Variants in AFG2A observed in about 807,000 individuals in gnomAD.
AFG2A encodes the protein ATPase family gene 2 protein homolog A.
chr4:123,027,465 T>G, the AFG2A span, among the ~76,000 whole-genome samples: 3 of 152,206 alleles, frequency 2.0e-5, no homozygotes, highest in African/African-American at 7.2e-5. Context: ...CTTTTACGTT[T>G]GTCTTCCAGC....
the AFG2A span, among the ~76,000 whole-genome samples, chr4:123,000,308 C>A: frequency 1.3e-5 from 2 of 151,180 alleles, no homozygotes; most frequent in Non-Finnish European, 2.9e-5. Context: ...CCTTCTCCTG[C>A]CTAATTGCCC....
chr4:123,213,541 C>A, the AFG2A span, among the ~76,000 whole-genome samples: 9 of 152,070 alleles, frequency 5.9e-5, no homozygotes, highest in Non-Finnish European at 1.2e-4. Flanking sequence ...CAGGTGGGTA[C>A]AATTAGCTGC....
the AFG2A span, among the ~76,000 whole-genome samples, chr4:123,197,770 AAAAT>A: frequency 1.0e-4 from 15 of 149,512 alleles, no homozygotes; most frequent in South Asian, 2.1e-4. Flanking sequence ...TCCATCTCAA[AAAAT>A]AAATAAATAA....
the AFG2A span, among the ~76,000 whole-genome samples, chr4:123,229,094 C>A: frequency 4.0e-5 from 6 of 151,734 alleles, no homozygotes; most frequent in African/African-American, 1.5e-4. Flanking sequence ...AAAACCAGCA[C>A]AATTTCTGGC....
At chr4:123,010,722 C>T in the AFG2A span, among the ~76,000 whole-genome samples, 12 of 152,212 alleles carry the variant, frequency 7.9e-5, no homozygotes, top group Non-Finnish European at 1.5e-4. Flanking sequence ...TTTTGCTCAG[C>T]GATCTAACCA....
chr4:123,016,559 G>A, the AFG2A span, among the ~76,000 whole-genome samples: 1 of 151,180 alleles, frequency 6.6e-6, no homozygotes, highest in African/African-American at 2.4e-5. Flanking sequence ...CTTCCTAGAT[G>A]GGATGGCGGC....
chr4:123,246,705 T>C, the AFG2A span, among the ~76,000 whole-genome samples: 26 of 152,122 alleles, frequency 1.7e-4, no homozygotes, highest in Non-Finnish European at 3.1e-4. Flanking sequence ...GGAAACAATA[T>C]CTTAAGCATA....
the AFG2A span, among the ~76,000 whole-genome samples, chr4:123,137,046 G>A: frequency 6.6e-6 from 1 of 152,186 alleles, no homozygotes; most frequent in East Asian, 1.9e-4. Context: ...CTCATAAGGA[G>A]CACACAACGT....
the AFG2A span, among the ~76,000 whole-genome samples, chr4:123,058,353 C>T: frequency 7.2e-5 from 11 of 152,110 alleles, no homozygotes; most frequent in Non-Finnish European, 1.5e-4. Context: ...GGCTGGGCGC[C>T]GTGGCTCACG....
At chr4:123,053,740 C>A in the AFG2A span, among the ~76,000 whole-genome samples, 1 of 152,032 alleles carries the variant, frequency 6.6e-6, no homozygotes, top group Non-Finnish European at 1.5e-5. Context: ...CCCCCTTGGA[C>A]TCTGCTGTAG....
chr4:122,958,900 A>G, the AFG2A span, among the ~76,000 whole-genome samples: 1 of 152,178 alleles, frequency 6.6e-6, no homozygotes, highest in African/African-American at 2.4e-5. Flanking sequence ...TTTCCAAGTG[A>G]TTTTGAAGCA....
At chr4:123,165,990 T>A in the AFG2A span, among the ~76,000 whole-genome samples, 1 of 152,200 alleles carries the variant, frequency 6.6e-6, no homozygotes, top group South Asian at 2.1e-4. Flanking sequence ...GCCTGATATT[T>A]TTGGCTTCAT....
At chr4:123,191,743 C>A in the AFG2A span, among the ~76,000 whole-genome samples, 2,959 of 152,166 alleles carry the variant, frequency 0.019, 99 homozygotes, top group African/African-American at 0.066. Flanking sequence ...ATAACTTTAA[C>A]AACACCCTTC....
At chr4:123,042,931 AAAG>A in the AFG2A span, among the ~76,000 whole-genome samples, 1 of 152,218 alleles carries the variant, frequency 6.6e-6, no homozygotes, top group Non-Finnish European at 1.5e-5. Context: ...TTAATTGAAA[AAAG>A]AGCTATTCTA....
the AFG2A span, among the ~76,000 whole-genome samples, chr4:122,954,116 C>A: frequency 2.6e-4 from 40 of 152,342 alleles, no homozygotes; most frequent in South Asian, 6.6e-3. Flanking sequence ...GGCCACGCTT[C>A]ATTGCAGCCC....
chr4:123,215,615 T>C, the AFG2A span, among the ~76,000 whole-genome samples: 416 of 151,932 alleles, frequency 2.7e-3, 2 homozygotes, highest in African/African-American at 9.3e-3. Context: ...TATGCCACAA[T>C]GCCTCTTAAC....
chr4:123,231,103 C>A, the AFG2A span, among the ~76,000 whole-genome samples: 1 of 151,858 alleles, frequency 6.6e-6, no homozygotes, highest in Non-Finnish European at 1.5e-5. Context: ...CTGCATTAGC[C>A]CCCAACAAGA....
the AFG2A span, among the ~76,000 whole-genome samples, chr4:122,947,815 A>G: frequency 1.3e-4 from 20 of 152,196 alleles, no homozygotes; most frequent in African/African-American, 4.1e-4. Context: ...AAGTTAAAAC[A>G]GTAAAAAATA....
the AFG2A span, among the ~76,000 whole-genome samples, chr4:122,939,474 C>G: frequency 6.6e-6 from 1 of 152,144 alleles, no homozygotes; most frequent in African/African-American, 2.4e-5. Flanking sequence ...CAAAAATTTT[C>G]TAAGACTCCT....
Sources: allele counts gnomAD v4.1 joint callset (sites outside exome capture counted in the v4.1 genomes callset), GRCh38; gene constraint gnomAD v4.1.1; transcripts MANE v1.5; gene names NCBI Gene and HGNC (gene_info 2026-07-23, HGNC 2026-07-21).